Variants in LRRFIP1 observed in about 807,000 individuals in gnomAD.
The protein encoded by LRRFIP1 is leucine-rich repeat flightless-interacting protein 1.
LRRFIP1 carries 62 observed loss-of-function variants against 104.4 expected under a neutral mutation model. That is an observed-to-expected ratio of 0.59 (90% CI 0.48 to 0.73). The LOEUF (loss-of-function observed/expected upper bound fraction) is 0.73. LRRFIP1 is among the 30% of genes least tolerant of loss of function. LRRFIP1 has a pLI of 0.00. For synonymous variants in LRRFIP1, 300 were observed against 299.0 expected, an observed-to-expected ratio of 1.00 and a Z score of -0.03; for missense variants, 796 against 824.5, an observed-to-expected ratio of 0.97 and a Z score of 0.42.
intron 2 of LRRFIP1, 66 bp from the exon 3 acceptor site, chr2:237,714,193 C>T: frequency 8.8e-7 from 1 of 1,140,044 alleles, no homozygotes; most frequent in Non-Finnish European, 1.3e-6. Flanking sequence ...CAGAACCTTT[C>T]ATTCTGATGT....
chr2:237,664,092 A>G (rs2088678519), intron 1 of LRRFIP1, among the ~76,000 whole-genome samples: 1 of 151,194 alleles, frequency 6.6e-6, no homozygotes, highest in Non-Finnish European at 1.5e-5. Flanking sequence ...GAGAGACCCA[A>G]GGGAGACCCG....
chr2:237,678,405 G>T (rs932477732), intron 1 of LRRFIP1, among the ~76,000 whole-genome samples: 10 of 152,292 alleles, frequency 6.6e-5, no homozygotes, highest in Admixed American at 6.5e-4. Flanking sequence ...CAGGAAGGTG[G>T]GTGGGGAGGG....
At chr2:237,753,821 GGTGTGT>G (rs759587250) in intron 15 of LRRFIP1, among the ~76,000 whole-genome samples, 10 of 132,954 alleles carry the variant, frequency 7.5e-5, no homozygotes, top group African/African-American at 2.2e-4. Flanking sequence ...GGAATGGTAG[GGTGTGT>G]GTGTGTGTGT....
chr2:237,642,037 G>A (rs1199872166), intron 1 of LRRFIP1, among the ~76,000 whole-genome samples: 1 of 152,184 alleles, frequency 6.6e-6, no homozygotes, highest in Non-Finnish European at 1.5e-5. Context: ...GGAGAGTGTG[G>A]TGTAGAGGGT....
intron 17 of LRRFIP1, among the ~76,000 whole-genome samples, chr2:237,757,980 A>C (rs563447430): frequency 6.6e-6 from 1 of 151,894 alleles, no homozygotes; most frequent in Non-Finnish European, 1.5e-5. Flanking sequence ...TCCCCAGGGA[A>C]GGTCTCCACA....
chr2:237,771,887 TTCTCTC>T, intron 20 of LRRFIP1, 188 bp from the exon 21 acceptor site: 1 of 563,068 alleles, frequency 1.8e-6, no homozygotes, highest in South Asian at 2.2e-5. Context: ...GAAATGACTT[TTCTCTC>T]AGAGTTACAG....
intron 7 of LRRFIP1, among the ~76,000 whole-genome samples, chr2:237,727,490 C>T (rs1431154703): frequency 1.3e-5 from 2 of 152,156 alleles, no homozygotes; most frequent in African/African-American, 2.4e-5. Flanking sequence ...CACTACCCAT[C>T]GGCCTGGCAT....
chr2:237,638,073 G>C (rs916033459), intron 1 of LRRFIP1, among the ~76,000 whole-genome samples: 1 of 152,126 alleles, frequency 6.6e-6, no homozygotes, highest in Non-Finnish European at 1.5e-5. Context: ...GTTTTGAGAT[G>C]ATTCCAGCAC....
chr2:237,658,464 A>G (rs2087222837), intron 1 of LRRFIP1, among the ~76,000 whole-genome samples: 1 of 152,250 alleles, frequency 6.6e-6, no homozygotes, highest in East Asian at 1.9e-4. Context: ...TTAACAAGCA[A>G]TAATAACCAA....
intron 19 of LRRFIP1, chr2:237,762,671 A>G (rs774082016): frequency 6.2e-6 from 10 of 1,613,890 alleles, no homozygotes; most frequent in Non-Finnish European, 8.5e-6. Context: ...AATCTTGCAC[A>G]ATACTGAGAA....
rs2061388945 is a variant in LRRFIP1, at chr2:237,779,896, A to G, written c.*364A>G. The stretch of plus-strand genomic sequence containing the variant: ...GGGACTTGAGTTTTTTTTTTTTTTC[A>G]TGTGTCTTGCTGAAGATTAAGGGGA... On this transcript the variant is annotated 3_prime_UTR_variant, in exon 24 of 24. Coordinates refer to ENST00000308482, the MANE Select transcript of LRRFIP1 (RefSeq NM_001137550.2). 1 of 165,486 alleles carries G rather than the reference A, an allele frequency of 6.0e-6. No homozygotes were observed. Among genetic ancestry groups the G allele is most frequent in the African/African-American group, 2.5e-5 (1 of 40,522 alleles). 10.3% of individuals were successfully genotyped at this position (165,486 alleles called of 1,614,324 possible). A position where few individuals can be genotyped will look rare whatever the true frequency, so the allele number is the denominator to read the frequency against.
At chr2:237,673,795 C>T (rs1313500790) in intron 1 of LRRFIP1, among the ~76,000 whole-genome samples, 1 of 152,048 alleles carries the variant, frequency 6.6e-6, no homozygotes, top group East Asian at 1.9e-4. Context: ...TGGGAGGGCA[C>T]GGAGTGGCAT....
At chr2:237,750,380 A>G (rs868521780) in intron 13 of LRRFIP1, among the ~76,000 whole-genome samples, 2 of 113,516 alleles carry the variant, frequency 1.8e-5, no homozygotes, top group South Asian at 5.3e-4. Flanking sequence ...TTTGTCACCC[A>G]TGCTGGAGTT....
At chr2:237,642,133 G>A (rs2084077082) in intron 1 of LRRFIP1, among the ~76,000 whole-genome samples, 1 of 152,230 alleles carries the variant, frequency 6.6e-6, no homozygotes, top group Admixed American at 6.5e-5. Flanking sequence ...GCAAGGGGAG[G>A]CGATACTGGG....
At chr2:237,686,997 A>C (rs1464645567) in intron 1 of LRRFIP1, among the ~76,000 whole-genome samples, 1 of 152,226 alleles carries the variant, frequency 6.6e-6, no homozygotes, top group Non-Finnish European at 1.5e-5. Flanking sequence ...AAGACAGCTA[A>C]GGGCATTCGT....
At chr2:237,714,942 C>G (rs867030567) in intron 3 of LRRFIP1, among the ~76,000 whole-genome samples, 4 of 152,198 alleles carry the variant, frequency 2.6e-5, no homozygotes, top group African/African-American at 9.7e-5. Context: ...TTTGTATACA[C>G]GGGAGTCTTT....
chr2:237,684,935 A>G (rs2092221009), intron 1 of LRRFIP1, among the ~76,000 whole-genome samples: 1 of 151,384 alleles, frequency 6.6e-6, no homozygotes, highest in Non-Finnish European at 1.5e-5. Flanking sequence ...AAAAAAAAAA[A>G]AATTAGCCAG....
intron 17 of LRRFIP1, among the ~76,000 whole-genome samples, chr2:237,758,223 AGTGTGT>A (rs138141222): frequency 2.0e-5 from 3 of 149,632 alleles, no homozygotes; most frequent in Admixed American, 6.7e-5. Context: ...AGCACTTAGG[AGTGTGT>A]GTGTGTGTGT....
intron 1 of LRRFIP1, among the ~76,000 whole-genome samples, chr2:237,704,806 G>A (rs2093722592): frequency 6.6e-6 from 1 of 151,990 alleles, no homozygotes; most frequent in African/African-American, 2.4e-5. Context: ...TAGTTGACCT[G>A]TCTTGGAGGT....
Sources: gnomAD v4.1 joint callset for allele counts (sites outside exome capture counted in the v4.1 genomes callset) on GRCh38, gnomAD v4.1.1 for gene constraint, MANE v1.5 for transcripts, NCBI Gene and HGNC (gene_info 2026-07-23, HGNC 2026-07-21) for gene names.